Variants in NCOA1 observed in about 807,000 individuals in gnomAD.
The protein encoded by NCOA1 is nuclear receptor coactivator 1, also known as Hin-2 protein.
A neutral mutation model predicts 150.9 loss-of-function variants in NCOA1; 35 were observed. That is an observed-to-expected ratio of 0.23 (90% CI 0.18 to 0.31). The LOEUF (loss-of-function observed/expected upper bound fraction) is 0.31, where lower values mean the gene tolerates loss of function less well. Ranked by LOEUF, NCOA1 falls within the 10% of genes least tolerant of loss-of-function variation. NCOA1 has a pLI of 1.00. For synonymous variants in NCOA1, 590 were observed against 630.0 expected (o/e 0.94, Z 0.95); for missense variants, 1,491 against 1,749.3 (o/e 0.85, Z 2.63).
In NCOA1 at chr2:24,768,378, T is replaced by TG. The variant is rs1341992495; in HGVS notation, c.4313_4314insG (p.Leu1439ThrfsTer3). 6.2e-7 allele frequency: 1 copy of TG among 1,609,396 alleles called. No individual in the cohort carries two copies. The highest frequency in any genetic ancestry group is 1.7e-5 in the Admixed American group (1 of 59,466). On this transcript the variant is annotated frameshift_variant, in exon 23 of 23. Transcript: ENST00000348332. LOFTEE classifies it high-confidence loss of function. ...CAGCAGAAGAGCCTCCTTCAGCAGC[T>TG]ACTGACTGAATAACCACTTTTAAAG...
rs1003432780 is a variant in NCOA1 at position 24,503,320 on chromosome 2, A to G, written c.-396+11718A>G. Among the ~76,000 whole-genome samples, 6 of 152,180 alleles carry G rather than the reference A, an allele frequency of 3.9e-5. No individual in the cohort carries two copies. The South Asian group carries it at 1.0e-3, about 26-fold the overall frequency. On this transcript the variant is annotated intron_variant, in intron 1 of 22. Coordinates refer to ENST00000348332, the MANE Select transcript of NCOA1 (RefSeq NM_003743.5). ...GTAGCTTGGTGAGTAATTGTTCTCC[A>G]GTGTAGAGCTCTACCTGTCCTGGGT...
chr2:24,528,479 T>C (rs947170068), intron 1 of NCOA1, among the ~76,000 whole-genome samples: 48 of 151,934 alleles, frequency 3.2e-4, no homozygotes, highest in African/African-American at 1.1e-3. Context: ...CCCAAGTAGC[T>C]GGGACCACAG....
At chr2:24,709,344 T>A (rs1039073407) in intron 13 of NCOA1, among the ~76,000 whole-genome samples, 1 of 152,194 alleles carries the variant, frequency 6.6e-6, no homozygotes, top group Non-Finnish European at 1.5e-5. Context: ...TTTTTTCTAG[T>A]TGCTCCAAGT....
intron 3 of NCOA1, among the ~76,000 whole-genome samples, chr2:24,620,090 G>A (rs1022916018): frequency 1.3e-5 from 2 of 151,828 alleles, no homozygotes; most frequent in African/African-American, 4.8e-5. Flanking sequence ...AGTTTTTCTG[G>A]GTAAAATTCT....
In NCOA1 at chr2:24,658,649, C is replaced by T; in HGVS notation, c.-17-12C>T. The T allele has an allele frequency of 6.3e-7, 1 of 1,596,012 alleles. No individual in the cohort carries two copies. The highest frequency in any genetic ancestry group is 8.6e-7 in the Non-Finnish European group (1 of 1,163,614). On this transcript the variant is annotated splice_polypyrimidine_tract_variant and intron_variant, in intron 4 of 22. Transcript: ENST00000348332. ...TAAGGGTAGATTTCTTACTGTTGTC[C>T]TTCCTGTTTAGGTGTGAAGTTTTTC...
intron 8 of NCOA1, among the ~76,000 whole-genome samples, chr2:24,685,615 T>A (rs1672363660): frequency 6.6e-6 from 1 of 152,228 alleles, no homozygotes; most frequent in South Asian, 2.1e-4. Context: ...AATGGCTGTG[T>A]CTGACTCTGC....
rs554479288 is a variant in NCOA1 at position 24,641,008 on chromosome 2, G to A, written c.-174-2958G>A. Among the ~76,000 whole-genome samples the A allele has an allele frequency of 5.9e-5, 9 of 151,382 alleles. No individual in the cohort carries two copies. In the South Asian group the frequency reaches 8.3e-4, roughly 14 times the overall value. On this transcript the variant is annotated intron_variant, in intron 3 of 22. Coordinates refer to ENST00000348332, the MANE Select transcript of NCOA1 (RefSeq NM_003743.5). ...TTTTCCTACTTTCTTGCCTTCTTTC[G>A]GGTTAACCAAACATTTTTTAGTAGA...
At chr2:24,732,804 A>T (rs938921462) in intron 17 of NCOA1, among the ~76,000 whole-genome samples, 1 of 152,118 alleles carries the variant, frequency 6.6e-6, no homozygotes, top group Admixed American at 6.6e-5. Context: ...CCGTAGGCAA[A>T]CAAAACTATA....
chr2:24,621,967 A>G (rs1669187459), intron 3 of NCOA1, among the ~76,000 whole-genome samples: 2 of 152,202 alleles, frequency 1.3e-5, no homozygotes, highest in Non-Finnish European at 1.5e-5. Flanking sequence ...TCACAGAGTG[A>G]CACCTCTAGT....
intron 6 of NCOA1, among the ~76,000 whole-genome samples, chr2:24,672,989 A>T (rs1382038757): frequency 6.6e-6 from 1 of 152,234 alleles, no homozygotes; most frequent in East Asian, 1.9e-4. Flanking sequence ...CACTTGATCA[A>T]ATCAGAAAAA....
intron 3 of NCOA1, among the ~76,000 whole-genome samples, chr2:24,584,958 G>C (rs924308999): frequency 6.6e-6 from 1 of 152,188 alleles, no homozygotes; most frequent in African/African-American, 2.4e-5. Flanking sequence ...AATGGTATGT[G>C]ACTTTTCCTG....
At chr2:24,588,612 C>T (rs1368539768) in intron 3 of NCOA1, among the ~76,000 whole-genome samples, 1 of 152,202 alleles carries the variant, frequency 6.6e-6, no homozygotes, top group Non-Finnish European at 1.5e-5. Flanking sequence ...CTGTGGCTGA[C>T]ACTTACTTGT....
At chr2:24,665,048 A>AT (rs1227777899) in intron 5 of NCOA1, among the ~76,000 whole-genome samples, 9 of 152,202 alleles carry the variant, frequency 5.9e-5, no homozygotes, top group Non-Finnish European at 1.3e-4. Flanking sequence ...TTTTTTTAAA[A>AT]AGGTGCTACC....
chr2:24,604,468 A>G (rs1490929353), intron 3 of NCOA1, among the ~76,000 whole-genome samples: 2 of 152,226 alleles, frequency 1.3e-5, no homozygotes, highest in African/African-American at 4.8e-5. Context: ...CACTTTCATC[A>G]TAGTTAGATC....
At chr2:24,693,189 A>G in intron 9 of NCOA1, 63 bp from the exon 10 acceptor site, 1 of 1,446,720 alleles carries the variant, frequency 6.9e-7, no homozygotes, top group East Asian at 2.3e-5. Context: ...ATTAATGGCG[A>G]GTGATAGATA....
intron 1 of NCOA1, among the ~76,000 whole-genome samples, chr2:24,558,307 T>G (rs1291320854): frequency 6.6e-6 from 1 of 152,156 alleles, no homozygotes; most frequent in Non-Finnish European, 1.5e-5. Flanking sequence ...CGGAAAACTG[T>G]ATTAGTCCAT....
intron 14 of NCOA1, among the ~76,000 whole-genome samples, chr2:24,717,094 A>T (rs1305846259): frequency 6.6e-6 from 1 of 152,222 alleles, no homozygotes; most frequent in East Asian, 1.9e-4. Flanking sequence ...AGAAAATTGC[A>T]AATTAAAACA....
chr2:24,749,785 C>A (rs1417127867), intron 19 of NCOA1, among the ~76,000 whole-genome samples: 2 of 152,056 alleles, frequency 1.3e-5, no homozygotes, highest in Non-Finnish European at 2.9e-5. Context: ...TTTAAAACTA[C>A]CAGGTATGCA....
In NCOA1 at chr2:24,694,549, TTAGAGA is replaced by T. The variant is rs1440460597; in HGVS notation, c.808+1205_808+1210del. Among the ~76,000 whole-genome samples the T allele has an allele frequency of 3.9e-5, 6 of 152,306 alleles. No homozygotes were observed. The Middle Eastern group carries it at 0.017, about 432-fold the overall frequency. On this transcript the variant is annotated intron_variant, in intron 10 of 22. Transcript: ENST00000348332. ...TGTTGTATACTTTGTGCTTGTGTTT[TTAGAGA>T]TAAACTTCCAACTGCTCTTACTAAA...
Sources: allele counts gnomAD v4.1 joint callset (sites outside exome capture counted in the v4.1 genomes callset), GRCh38; gene constraint gnomAD v4.1.1; transcripts MANE v1.5; gene names NCBI Gene and HGNC (gene_info 2026-07-23, HGNC 2026-07-21).